Variants in APOL3 observed in about 807,000 individuals in gnomAD.
The protein encoded by APOL3 is TNF-inducible protein CG12-1.
A neutral mutation model predicts 11.6 loss-of-function variants in APOL3; 14 were observed. The ratio of observed to expected loss-of-function variants is 1.21; its 90% CI spans 0.80 to 1.89. The LOEUF (loss-of-function observed/expected upper bound fraction) is 1.89, where lower values mean the gene tolerates loss of function less well. Ranked by LOEUF, APOL3 falls within the 40% of genes most tolerant of loss-of-function variation. The pLI is 0.00. For synonymous variants in APOL3, 192 were observed against 190.6 expected (o/e 1.01, Z -0.06); for missense variants, 483 against 492.1 (o/e 0.98, Z 0.17).
chr22:36,154,405 A>C lies in APOL3; in HGVS notation c.223+6264T>G, dbSNP rs1351502484. On this transcript the variant is annotated intron_variant, in intron 1 of 2. Transcript: ENST00000349314. Reference sequence around the variant, plus strand: ...CATTCAAGTGAGAACATTTGAGAAAAGTATACAGAAAAGGCTAAAACAGGG... The same window carrying C: ...CATTCAAGTGAGAACATTTGAGAAACGTATACAGAAAAGGCTAAAACAGGG... The C allele has an allele frequency of 2.4e-5, 8 of 338,244 alleles. No individual in the cohort carries two copies. The Admixed American group carries it at 2.5e-4, about 10-fold the overall frequency. The allele number at this position is 338,244 out of a possible 1,614,324, so 21.0% of individuals were successfully genotyped here.
chr22:36,141,414 G>T, exon 3 of APOL3: 1 of 1,614,158 alleles, frequency 6.2e-7, no homozygotes, highest in Non-Finnish European at 8.5e-7. Context: ...TCTGCTCACT[G>T]CCCGGGTGGT....
chr22:36,161,452 C>T (rs132654), upstream of APOL3: 58,261 of 165,378 alleles, frequency 0.35, 12,998 homozygotes, highest in East Asian at 0.83. Context: ...CATGAGCCAC[C>T]GTTCCAGACC....
At chr22:36,160,720 G>T in exon 1 of APOL3, 1 of 1,614,018 alleles carries the variant, frequency 6.2e-7, no homozygotes, top group Non-Finnish European at 8.5e-7. Flanking sequence ...GTTCTGAGCT[G>T]TGTGGATCCC....
At chr22:36,162,364 CT>C (rs1422338031), upstream of APOL3, among the ~76,000 whole-genome samples, 14 of 152,176 alleles carry the variant, frequency 9.2e-5, no homozygotes, top group African/African-American at 3.4e-4. Context: ...AAACTGTGCC[CT>C]CAGGTCACCC....
chr22:36,162,874 G>A (rs1398381722), upstream of APOL3, among the ~76,000 whole-genome samples: 5 of 152,146 alleles, frequency 3.3e-5, no homozygotes, highest in Admixed American at 2.0e-4. Context: ...TTTAGCTTGG[G>A]GAACTGAAAC....
chr22:36,161,731 AAAAGAC>A (rs1419188029), upstream of APOL3, among the ~76,000 whole-genome samples: 1 of 152,012 alleles, frequency 6.6e-6, no homozygotes, highest in African/African-American at 2.4e-5. Flanking sequence ...ATGTGGGAGT[AAAAGAC>A]AAAGACAAAA....
Position 36,141,783 on chromosome 22 carries a change from GC to G in APOL3, c.625del (p.Ala209HisfsTer16). 2 of 1,614,174 alleles carry G rather than the reference GC, an allele frequency of 1.2e-6. No homozygotes were observed. The highest frequency in any genetic ancestry group is 1.7e-6 in the Non-Finnish European group (2 of 1,180,026). The stretch of plus-strand genomic sequence containing the variant: ...CAGACTCGTCCCTGCTGTAAATGGT[GC>G]CAAAACAAGACCAGCAAGGGACATG... On this transcript the variant is annotated frameshift_variant, in exon 3 of 3. Coordinates refer to ENST00000349314, the Ensembl canonical transcript of APOL3. LOFTEE classifies it low-confidence loss of function (END_TRUNC).
chr22:36,143,466 G>C (rs2060076317), intron 2 of APOL3, among the ~76,000 whole-genome samples: 1 of 152,208 alleles, frequency 6.6e-6, no homozygotes, highest in African/African-American at 2.4e-5. Context: ...TCTGCAACTG[G>C]TGTCAGAAGG....
upstream of APOL3, among the ~76,000 whole-genome samples, chr22:36,162,373 C>T (rs1297630844): frequency 6.6e-6 from 1 of 152,164 alleles, no homozygotes; most frequent in East Asian, 1.9e-4. Context: ...CCTCAGGTCA[C>T]CCCAAGTTCA....
chr22:36,150,581 A>G (rs551936080), intron 1 of APOL3, among the ~76,000 whole-genome samples: 13 of 152,224 alleles, frequency 8.5e-5, no homozygotes, highest in Non-Finnish European at 1.8e-4. Flanking sequence ...GCCAATGAAA[A>G]TGTGAATGGA....
intron 1 of APOL3, among the ~76,000 whole-genome samples, chr22:36,155,009 G>A (rs955196284): frequency 6.6e-6 from 1 of 152,136 alleles, no homozygotes; most frequent in Non-Finnish European, 1.5e-5. Flanking sequence ...CCCTTATGGA[G>A]GTGCCGATGG....
intron 1 of APOL3, chr22:36,156,859 C>T: frequency 2.3e-6 from 1 of 442,158 alleles, no homozygotes; most frequent in Non-Finnish European, 4.6e-6. Context: ...TGGCCTCTGC[C>T]CTCCGTGGCA....
intron 1 of APOL3, among the ~76,000 whole-genome samples, chr22:36,154,827 C>T (rs1674750604): frequency 6.6e-6 from 1 of 152,208 alleles, no homozygotes; most frequent in African/African-American, 2.4e-5. Flanking sequence ...ACCAAGTCAA[C>T]TCTAACCTCT....
At chr22:36,145,690 C>T (rs965112899) in intron 1 of APOL3, 91 bp from the exon 3 acceptor site, 1 of 1,503,106 alleles carries the variant, frequency 6.7e-7, no homozygotes, top group African/African-American at 1.4e-5. Context: ...TAATCCTCCT[C>T]AACCAGCTGT....
At chr22:36,150,322 T>C (rs930836990) in intron 1 of APOL3, among the ~76,000 whole-genome samples, 2 of 152,140 alleles carry the variant, frequency 1.3e-5, no homozygotes, top group African/African-American at 2.4e-5. Context: ...CAATGAGAAA[T>C]AGGGGTGAAC....
intron 1 of APOL3, among the ~76,000 whole-genome samples, chr22:36,151,271 T>C (rs2060423025): frequency 6.6e-6 from 1 of 152,090 alleles, no homozygotes; most frequent in Non-Finnish European, 1.5e-5. Context: ...TTAATATGAA[T>C]AGATCTAGGA....
chr22:36,144,820 TA>T (rs2060124694), intron 2 of APOL3, among the ~76,000 whole-genome samples: 1 of 151,780 alleles, frequency 6.6e-6, no homozygotes, highest in Non-Finnish European at 1.5e-5. Context: ...CCATCCTGGC[TA>T]ACACGATGAA....
chr22:36,141,423 G>A, exon 3 of APOL3: 1 of 1,614,116 alleles, frequency 6.2e-7, no homozygotes, highest in South Asian at 1.1e-5. Context: ...TGCCCGGGTG[G>A]TGCCTGCAAT....
At chr22:36,145,194 G>A (rs2060147144) in intron 2 of APOL3, among the ~76,000 whole-genome samples, 1 of 152,148 alleles carries the variant, frequency 6.6e-6, no homozygotes, top group Non-Finnish European at 1.5e-5. Context: ...ATGAAGAAAG[G>A]AAGGCAGAAA....
Sources: gnomAD v4.1 joint callset for allele counts (sites outside exome capture counted in the v4.1 genomes callset) on GRCh38, gnomAD v4.1.1 for gene constraint, MANE v1.5 for transcripts, NCBI Gene and HGNC (gene_info 2026-07-23, HGNC 2026-07-21) for gene names.